PRIM1: variants seen among roughly 807,000 people sequenced by gnomAD.
PRIM1 encodes the protein DNA primase small subunit.
PRIM1 carries 38 observed loss-of-function variants against 60.2 expected under a neutral mutation model. That is an observed-to-expected ratio of 0.63 (90% confidence interval 0.49 to 0.83). PRIM1 has a LOEUF of 0.83. Ranked by LOEUF, PRIM1 falls within the 40% of genes least tolerant of loss-of-function variation. The pLI is 0.00. For synonymous variants in PRIM1, 158 were observed against 160.2 expected, an observed-to-expected ratio of 0.99 and a Z score of 0.10; for missense variants, 388 against 506.2, an observed-to-expected ratio of 0.77 and a Z score of 2.24.
At chr12:56,736,298 TAAAAAAAAAAAAAAA>T (rs756452647) in intron 11 of PRIM1, among the ~76,000 whole-genome samples, 2 of 24,320 alleles carry the variant, frequency 8.2e-5, no homozygotes, top group African/African-American at 2.3e-4. Context: ...ACTCTTTCTC[TAAAAAAAAAAAAAAA>T]AAAAAAAAAA....
In PRIM1 at chr12:56,744,108, T is replaced by A; in HGVS notation, c.595A>T (p.Lys199Ter). 1 of 1,566,606 alleles carries A rather than the reference T, an allele frequency of 6.4e-7. No homozygotes were observed. The highest frequency in any genetic ancestry group is 8.7e-7 in the Non-Finnish European group (1 of 1,153,460). Reference protein sequence around the residue: ...LSLVKGGQDVKKKVHLSEKIH... With the variant: ...LSLVKGGQDV The stretch of plus-strand genomic sequence containing the variant: ...TTTTCACTTAGGTGAACTTTCTTTT[T>A]AACGTCTTGACCACCCTGAAAAATA... Residue 199 changes from lysine (K) to a stop codon, truncating the protein, a stop_gained, in exon 6 of 13, where the codon AAA (lysine) becomes TAA (stop). Transcript: ENST00000338193. LOFTEE classifies it high-confidence loss of function.
chr12:56,734,294 T>A (rs1353076757), intron 11 of PRIM1, 49 bp from the exon 12 acceptor site: 10 of 1,212,594 alleles, frequency 8.2e-6, no homozygotes, highest in Non-Finnish European at 1.2e-5. Flanking sequence ...GCAGCAAGAA[T>A]AACATGAAAA....
intron 11 of PRIM1, among the ~76,000 whole-genome samples, chr12:56,736,106 TGA>T (rs1953826574): frequency 6.6e-6 from 1 of 151,096 alleles, no homozygotes; most frequent in Non-Finnish European, 1.5e-5. Flanking sequence ...GAGACCAGCC[TGA>T]CCAACATGGA....
At chr12:56,750,801 C>A (rs938354125) in intron 2 of PRIM1, among the ~76,000 whole-genome samples, 1 of 152,056 alleles carries the variant, frequency 6.6e-6, no homozygotes. Context: ...TTCCTAGTAG[C>A]TAGATACTCA....
rs1445211593 is a variant in PRIM1 at position 56,734,224 on chromosome 12, G to A, written c.1166C>T (p.Ala389Val). The A allele has an allele frequency of 3.8e-6, 6 of 1,596,498 alleles. No individual in the cohort carries two copies. Among genetic ancestry groups the A allele is most frequent in the Non-Finnish European group, 5.1e-6 (6 of 1,167,626 alleles). ...RTRDYKKTSL[A>V]PYVKVFEHFL... ...ATGTTCAAAAACTTTCACATAAGGT[G>A]CTAGACTGGTCTTCTTATAATCTAA... Residue 389 changes from alanine (A) to valine (V), a missense_variant, in exon 12 of 13, where the codon GCA becomes GTA. Transcript: ENST00000338193.
chr12:56,735,966 T>C (rs1479913969), intron 11 of PRIM1, among the ~76,000 whole-genome samples: 1 of 151,992 alleles, frequency 6.6e-6, no homozygotes, highest in African/African-American at 2.4e-5. Context: ...TAAGTATTCT[T>C]TGATTTATAA....
Position 56,731,703 on chromosome 12 carries a change from G to A in PRIM1, c.*12C>T. On this transcript the variant is annotated 3_prime_UTR_variant, in exon 13 of 13. Transcript: ENST00000338193. ...GCAGAAGATATCCACAATGGTTTGAGGAGCTCTGTCTTCAGAAATCTTTTT... is the reference window on the plus strand; with the variant it reads ...GCAGAAGATATCCACAATGGTTTGAAGAGCTCTGTCTTCAGAAATCTTTTT... 1.3e-6 allele frequency: 2 copies of A among 1,513,152 alleles called. No individual in the cohort carries two copies. Among genetic ancestry groups the A allele is most frequent in the Non-Finnish European group, 1.8e-6 (2 of 1,115,812 alleles). 93.7% of individuals were successfully genotyped at this position (1,513,152 alleles called of 1,614,324 possible).
chr12:56,731,612 A>G lies in PRIM1; in HGVS notation c.*103T>C, dbSNP rs967007633. The G allele has an allele frequency of 1.3e-5, 15 of 1,121,898 alleles. No homozygotes were observed. In the African/African-American group the frequency reaches 1.8e-4, roughly 13 times the overall value. The allele number at this position is 1,121,898 out of a possible 1,614,324, so 69.5% of individuals were successfully genotyped here. A position where few individuals can be genotyped will look rare whatever the true frequency, so the allele number is the denominator to read the frequency against. ...TCAAGGAAAATTTACTTTGAGGTTTAAGACACATATATAGTTCTGCCATAT... is the reference window on the plus strand; with the variant it reads ...TCAAGGAAAATTTACTTTGAGGTTTGAGACACATATATAGTTCTGCCATAT... On this transcript the variant is annotated 3_prime_UTR_variant, in exon 13 of 13. Coordinates refer to ENST00000338193, the MANE Select transcript of PRIM1 (RefSeq NM_000946.3).
chr12:56,743,150 C>T (rs1953883899), intron 6 of PRIM1, 54 bp from the exon 7 acceptor site: 1 of 1,433,752 alleles, frequency 7.0e-7, no homozygotes, highest in African/African-American at 1.5e-5. Context: ...ACACATATGC[C>T]ACATAGGTAT....
At chr12:56,747,744 C>CA (rs536052493) in intron 2 of PRIM1, among the ~76,000 whole-genome samples, 8 of 150,594 alleles carry the variant, frequency 5.3e-5, no homozygotes, top group Admixed American at 2.0e-4. Flanking sequence ...GACTCTGTCT[C>CA]AAAAAAAAGA....
chr12:56,739,340 A>T lies in PRIM1; in HGVS notation c.1006T>A (p.Leu336Met). ...GGATCAAACTGGTCCACTTTCTGCA[A>T]ATCAATAGGCACAGATATGCGACCT... ...KTGRISVPID[L>M]QKVDQFDPFT... The change falls in exon 10 of 13, where the codon TTG becomes ATG. Residue 336 changes from leucine to methionine, a missense_variant. Leu to Met is a conservative substitution (Grantham distance 15). Transcript: ENST00000338193. 1 of 1,582,384 alleles carries T rather than the reference A, an allele frequency of 6.3e-7. No homozygotes were observed. Among genetic ancestry groups the T allele is most frequent in the Non-Finnish European group, 8.6e-7 (1 of 1,159,340 alleles).
intron 11 of PRIM1, among the ~76,000 whole-genome samples, chr12:56,735,545 C>T (rs902378665): frequency 2.6e-5 from 4 of 152,208 alleles, no homozygotes; most frequent in Non-Finnish European, 5.9e-5. Context: ...CAGGGAGTGC[C>T]ACCACAGCTG....
chr12:56,741,558 T>A lies in PRIM1; in HGVS notation c.859A>T (p.Lys287Ter). The change falls in exon 9 of 13, where the codon AAA becomes TAA. Residue 287 changes from lysine to a stop codon, truncating the protein, a stop_gained. Transcript: ENST00000338193. LOFTEE classifies it high-confidence loss of function. Reference sequence around the variant, plus strand: ...TCCCACTCCAGCCAGGGTCCATATTTGTCATTTTTGATGTTATTCTAAAAG... The same window carrying A: ...TCCCACTCCAGCCAGGGTCCATATTAGTCATTTTTGATGTTATTCTAAAAG... The part of the protein sequence containing the change: ...SRYQNNIKND[K>*]YGPWLEWEIM... The A allele has an allele frequency of 6.2e-7, 1 of 1,611,990 alleles. No homozygotes were observed. Among genetic ancestry groups the A allele is most frequent in the Non-Finnish European group, 8.5e-7 (1 of 1,179,414 alleles).
intron 9 of PRIM1, among the ~76,000 whole-genome samples, chr12:56,740,390 C>A (rs958228765): frequency 2.0e-5 from 3 of 152,092 alleles, no homozygotes; most frequent in Non-Finnish European, 4.4e-5. Context: ...ACATGTCAGA[C>A]ACCTTTAAAA....
At chr12:56,747,161 G>C (rs1592335422) in intron 2 of PRIM1, 129 bp from the exon 3 acceptor site, 1 of 680,246 alleles carries the variant, frequency 1.5e-6, no homozygotes, top group East Asian at 2.7e-5. Flanking sequence ...CTTTATGACA[G>C]TGAAAGTTCA....
intron 5 of PRIM1, among the ~76,000 whole-genome samples, chr12:56,744,460 T>C (rs1173718894): frequency 6.6e-6 from 1 of 151,746 alleles, no homozygotes; most frequent in African/African-American, 2.4e-5. Context: ...ATCATTGCAC[T>C]CTAGCCAGGG....
At chr12:56,740,136 G>A (rs1182591512) in intron 9 of PRIM1, among the ~76,000 whole-genome samples, 1 of 149,916 alleles carries the variant, frequency 6.7e-6, no homozygotes, top group African/African-American at 2.5e-5. Context: ...ACTCTGTCTC[G>A]AAAAAAAAGG....
chr12:56,740,805 T>C (rs1953867194), intron 9 of PRIM1, among the ~76,000 whole-genome samples: 1 of 152,056 alleles, frequency 6.6e-6, no homozygotes, highest in Non-Finnish European at 1.5e-5. Flanking sequence ...AGAGTTCATT[T>C]CATTTCTTTC....
In PRIM1 at chr12:56,744,029, G is replaced by C. The variant is rs1487483670; in HGVS notation, c.638+36C>G. 2 of 1,454,088 alleles carry C rather than the reference G, an allele frequency of 1.4e-6. No homozygotes were observed. The highest frequency in any genetic ancestry group is 9.4e-7 in the Non-Finnish European group (1 of 1,061,188). 90.1% of individuals were successfully genotyped at this position (1,454,088 alleles called of 1,614,324 possible). ...TCTAAAGGCACATGCCGGTAAATCAGACACCTTAAAGTGCTTGGAGACTTT... is the reference window on the plus strand; with the variant it reads ...TCTAAAGGCACATGCCGGTAAATCACACACCTTAAAGTGCTTGGAGACTTT... On this transcript the variant is annotated intron_variant, in intron 6 of 12. Transcript: ENST00000338193.
Sources: gnomAD v4.1 joint callset for allele counts (sites outside exome capture counted in the v4.1 genomes callset) on GRCh38, gnomAD v4.1.1 for gene constraint, MANE v1.5 for transcripts, NCBI Gene and HGNC (gene_info 2026-07-23, HGNC 2026-07-21) for gene names.